Variants in EXT1 observed in about 807,000 individuals in gnomAD.
EXT1 encodes exostosin glycosyltransferase 1.
A neutral mutation model predicts 82.5 loss-of-function variants in EXT1; 20 were observed. The ratio of observed to expected loss-of-function variants is 0.24; its 90% CI spans 0.17 to 0.35. The LOEUF is 0.35. Among genes scored for constraint, EXT1 ranks in the 10% least tolerant of loss-of-function variants. The probability of loss-of-function intolerance (pLI) is 1.00; values close to 1 mark genes in which losing one functional copy is unlikely to be tolerated. For synonymous variants in EXT1, 348 were observed against 350.8 expected (o/e 0.99, Z 0.09); for missense variants, 757 against 936.5 (o/e 0.81, Z 2.50).
rs954427122 is a variant in EXT1 at position 117,799,686 on chromosome 8, T to G, written c.*26A>C. ...AGCTTGACCCCCATCCCTTCTTGCT[T>G]CCCCTCCCCCACTCAGCCGGATTCC... On this transcript the variant is annotated 3_prime_UTR_variant, in exon 11 of 11. Coordinates refer to ENST00000378204, the MANE Select transcript of EXT1 (RefSeq NM_000127.3). The G allele has an allele frequency of 3.1e-6, 5 of 1,613,404 alleles. No homozygotes were observed. The Admixed American group carries it at 6.7e-5, about 22-fold the overall frequency.
At chr8:118,108,457 T>C (rs987274093) in intron 1 of EXT1, among the ~76,000 whole-genome samples, 1 of 152,144 alleles carries the variant, frequency 6.6e-6, no homozygotes, top group Non-Finnish European at 1.5e-5. Flanking sequence ...CAGGAATAGG[T>C]CAATGTAAAT....
intron 1 of EXT1, among the ~76,000 whole-genome samples, chr8:118,011,406 T>C (rs566981063): frequency 4.6e-5 from 7 of 152,328 alleles, no homozygotes; most frequent in African/African-American, 1.7e-4. Flanking sequence ...GCAATAGCTT[T>C]TAATTTTAAA....
intron 1 of EXT1, among the ~76,000 whole-genome samples, chr8:117,872,942 GAGAA>G (rs1010343045): frequency 4.6e-5 from 7 of 152,144 alleles, no homozygotes; most frequent in African/African-American, 1.7e-4. Flanking sequence ...AGAAGTTAAA[GAGAA>G]AGAGTGTTAG....
At chr8:117,926,642 G>A (rs1260839264) in intron 1 of EXT1, among the ~76,000 whole-genome samples, 1 of 152,184 alleles carries the variant, frequency 6.6e-6, no homozygotes, top group Non-Finnish European at 1.5e-5. Flanking sequence ...AAACTGGAAG[G>A]AGAGAGGGGT....
chr8:118,107,285 CT>C (rs902892343), intron 1 of EXT1, among the ~76,000 whole-genome samples: 91 of 151,482 alleles, frequency 6.0e-4, no homozygotes, highest in South Asian at 2.7e-3. Flanking sequence ...TAAACTGAAG[CT>C]TTTTTTTTCC....
intron 1 of EXT1, among the ~76,000 whole-genome samples, chr8:118,097,380 G>C (rs1817639541): frequency 1.3e-5 from 2 of 152,136 alleles, no homozygotes; most frequent in Non-Finnish European, 2.9e-5. Flanking sequence ...CTGGGAGGTA[G>C]GGGTTGCAGT....
intron 1 of EXT1, among the ~76,000 whole-genome samples, chr8:118,028,251 G>A (rs1303593747): frequency 6.6e-6 from 1 of 152,220 alleles, no homozygotes; most frequent in Non-Finnish European, 1.5e-5. Context: ...GTGGCCAAGG[G>A]CCATGTTGGG....
chr8:118,094,812 G>A (rs11992017), intron 1 of EXT1, among the ~76,000 whole-genome samples: 19,028 of 152,118 alleles, frequency 0.13, 1,429 homozygotes, highest in East Asian at 0.33. Flanking sequence ...TTTCGGATTC[G>A]GTCACAACTA....
intron 1 of EXT1, among the ~76,000 whole-genome samples, chr8:118,058,458 A>C (rs552199521): frequency 1.2e-4 from 19 of 152,206 alleles, no homozygotes; most frequent in South Asian, 4.1e-4. Context: ...GTTAAGTATC[A>C]GGATTTCTTA....
At position 117,944,938 on chromosome 8, in the gene EXT1, G is replaced by A. The variant is rs527531802; in HGVS notation, c.963-107737C>T. ...AGCACTTTGGGAGGCGGAGGCGGGC[G>A]GATCACGAGGTCAGGAGATCGAGAC... is the stretch of plus-strand genomic sequence containing the variant. On this transcript the variant is annotated intron_variant, in intron 1 of 10. Transcript: ENST00000378204. 3.9e-5 allele frequency among the ~76,000 whole-genome samples: 6 copies of A among 152,116 alleles called. 1 individual carries two copies. Among genetic ancestry groups the A allele is most frequent in the African/African-American group, 1.2e-4 (5 of 41,432 alleles).
chr8:117,826,851 G>T (rs748674506), intron 4 of EXT1, among the ~76,000 whole-genome samples: 5 of 152,118 alleles, frequency 3.3e-5, no homozygotes, highest in Non-Finnish European at 5.9e-5. Flanking sequence ...AAAGGGAAAA[G>T]GCCTTTTCAG....
chr8:117,863,794 G>A (rs1479457512), intron 1 of EXT1, among the ~76,000 whole-genome samples: 2 of 152,292 alleles, frequency 1.3e-5, no homozygotes, highest in African/African-American at 4.8e-5. Context: ...GAGGAAGAAG[G>A]TGGAAGGAGC....
chr8:118,073,561 C>T (rs1424525876), intron 1 of EXT1, among the ~76,000 whole-genome samples: 1 of 151,802 alleles, frequency 6.6e-6, no homozygotes, highest in South Asian at 2.1e-4. Flanking sequence ...GCAGAGGTTG[C>T]GGTAGCTGAG....
chr8:117,936,612 C>T (rs1013144213), intron 1 of EXT1, among the ~76,000 whole-genome samples: 1 of 152,186 alleles, frequency 6.6e-6, no homozygotes, highest in Non-Finnish European at 1.5e-5. Context: ...CGGAGGCTCA[C>T]GCTTGTAATC....
intron 1 of EXT1, among the ~76,000 whole-genome samples, chr8:117,868,477 G>A (rs1229246010): frequency 6.6e-6 from 1 of 151,942 alleles, no homozygotes; most frequent in South Asian, 2.1e-4. Context: ...TTTGAGACAG[G>A]GTCTCATTCT....
intron 1 of EXT1, among the ~76,000 whole-genome samples, chr8:117,970,030 T>TA (rs914753359): frequency 4.6e-5 from 7 of 152,324 alleles, no homozygotes; most frequent in African/African-American, 1.4e-4. Context: ...TTTAACATGT[T>TA]ACTTCAACCC....
At chr8:118,024,915 A>G (rs1013135123) in intron 1 of EXT1, among the ~76,000 whole-genome samples, 1 of 152,238 alleles carries the variant, frequency 6.6e-6, no homozygotes, top group African/African-American at 2.4e-5. Flanking sequence ...CACTAGAGTG[A>G]AAGTTCAGAA....
chr8:117,875,329 G>A (rs946108583), intron 1 of EXT1, among the ~76,000 whole-genome samples: 2 of 152,088 alleles, frequency 1.3e-5, no homozygotes, highest in African/African-American at 2.4e-5. Context: ...GCCGAGGCAG[G>A]AGAACCGCTT....
chr8:117,862,806 C>T (rs1033363183), intron 1 of EXT1, among the ~76,000 whole-genome samples: 1 of 145,198 alleles, frequency 6.9e-6, no homozygotes, highest in Non-Finnish European at 1.5e-5. Context: ...CAGAAATGCC[C>T]TCTCTGAAGA....
Sources: gnomAD v4.1 joint callset for allele counts (sites outside exome capture counted in the v4.1 genomes callset) on GRCh38, gnomAD v4.1.1 for gene constraint, MANE v1.5 for transcripts, NCBI Gene and HGNC (gene_info 2026-07-23, HGNC 2026-07-21) for gene names.